The following JADE3 variants were observed in gnomAD, a reference collection of about 807,000 sequenced individuals.
JADE3 encodes the protein jade family PHD finger 3.
A neutral mutation model predicts 50.1 loss-of-function variants in JADE3; 2 were observed. That is an observed-to-expected ratio of 0.04 (90% CI 0.02 to 0.13). The LOEUF (loss-of-function observed/expected upper bound fraction) is 0.13, where lower values mean the gene tolerates loss of function less well. JADE3 is among the 10% of genes least tolerant of loss of function. The probability of loss-of-function intolerance (pLI) is 1.00; values close to 1 mark genes in which losing one functional copy is unlikely to be tolerated. For missense variants in JADE3, 475 were observed against 634.4 expected, an observed-to-expected ratio of 0.75 and a Z score of 2.70; for synonymous variants, 218 against 232.9, an observed-to-expected ratio of 0.94 and a Z score of 0.58.
At chrX:46,993,022 G>T (rs1928051761) in intron 3 of JADE3, among the ~76,000 whole-genome samples, 1 of 111,546 alleles carries the variant, frequency 9.0e-6, no homozygotes, top group Non-Finnish European at 1.9e-5. Context: ...TGTTGTTGTT[G>T]TTTTTAATCC....
At chrX:47,021,383 T>C (rs1348338824) in intron 4 of JADE3, among the ~76,000 whole-genome samples, 2 of 111,841 alleles carry the variant, frequency 1.8e-5, no homozygotes, top group Non-Finnish European at 3.8e-5. Context: ...TTCCAGTTTT[T>C]ACCTACCATA....
At chrX:46,914,313 A>T (rs1248044664) in intron 1 of JADE3, among the ~76,000 whole-genome samples, 1 of 111,799 alleles carries the variant, frequency 8.9e-6, no homozygotes, top group Admixed American at 9.4e-5. Context: ...AGACAATGGG[A>T]GTATGGGTCC....
chrX:46,938,035 C>T (rs781793033), intron 1 of JADE3, among the ~76,000 whole-genome samples: 1 of 111,559 alleles, frequency 9.0e-6, no homozygotes, highest in South Asian at 3.8e-4. Flanking sequence ...CATCACATAT[C>T]TTTTTCCATC....
At chrX:46,925,042 A>T (rs1229064914) in intron 1 of JADE3, among the ~76,000 whole-genome samples, 1 of 112,134 alleles carries the variant, frequency 8.9e-6, no homozygotes, top group Non-Finnish European at 1.9e-5. Flanking sequence ...AGGGCAGTGG[A>T]AACTCCATGG....
At chrX:47,035,835 C>T (rs782044506) in intron 7 of JADE3, among the ~76,000 whole-genome samples, 18 of 111,660 alleles carry the variant, frequency 1.6e-4, no homozygotes, top group Non-Finnish European at 3.4e-4. Flanking sequence ...AAGAATATTT[C>T]CATCTTTTTA....
rs1929072877 is a variant in JADE3, at chrX:47,033,770, T to C, written c.837T>C (p.Cys279=). The C allele has an allele frequency of 8.5e-7, 1 of 1,174,207 alleles. No homozygotes were observed. Among genetic ancestry groups the C allele is most frequent in the Non-Finnish European group, 1.1e-6 (1 of 876,137 alleles). Residue 279 remains cysteine, a synonymous_variant, in exon 7 of 11, where the codon TGT becomes TGC. Coordinates refer to ENST00000614628, the MANE Select transcript of JADE3 (RefSeq NM_014735.5). ...GGACTAAATGGGCTCATGTCAGCTGTGCCCTGTGGATCCCAGAGGTAAGAA... is the reference window on the plus strand; with the variant it reads ...GGACTAAATGGGCTCATGTCAGCTGCGCCCTGTGGATCCCAGAGGTAAGAA... ...KTGTKWAHVS[C]ALWIPEVSIA...
intron 4 of JADE3, among the ~76,000 whole-genome samples, chrX:47,006,459 GTTTTTTTTT>G (rs61687892): frequency 1.3e-5 from 1 of 76,669 alleles, no homozygotes; most frequent in African/African-American, 4.7e-5. Context: ...AATTTTTGTA[GTTTTTTTTT>G]TTTTTTTTTT....
At chrX:47,054,063 T>G in intron 8 of JADE3, 95 bp from the exon 9 acceptor site, 4 of 563,246 alleles carry the variant, frequency 7.1e-6, no homozygotes, top group Non-Finnish European at 1.1e-5. Context: ...CGGTCTTTCT[T>G]TTGCTTCCTA....
chrX:47,006,507 C>T (rs1219463603), intron 4 of JADE3, among the ~76,000 whole-genome samples: 1 of 104,239 alleles, frequency 9.6e-6, no homozygotes, highest in Non-Finnish European at 2.0e-5. Flanking sequence ...GCCATGTTGC[C>T]CAGGCTGGTC....
At chrX:46,947,815 T>C (rs1449484420) in intron 1 of JADE3, among the ~76,000 whole-genome samples, 2 of 111,938 alleles carry the variant, frequency 1.8e-5, no homozygotes, top group African/African-American at 6.5e-5. Flanking sequence ...ACTTCCAACA[T>C]GGAGCCTCCA....
At chrX:46,968,617 C>T (rs1463256892) in intron 1 of JADE3, among the ~76,000 whole-genome samples, 1 of 110,401 alleles carries the variant, frequency 9.1e-6, no homozygotes, top group African/African-American at 3.3e-5. Context: ...CATGCAAACA[C>T]CAATCAAAAG....
chrX:46,940,063 A>T (rs782317279), intron 1 of JADE3, among the ~76,000 whole-genome samples: 2 of 112,470 alleles, frequency 1.8e-5, no homozygotes, highest in East Asian at 5.5e-4. Context: ...AAAAATATTT[A>T]CTGATTAGCC....
intron 4 of JADE3, among the ~76,000 whole-genome samples, chrX:47,001,528 T>C (rs1038542862): frequency 1.6e-4 from 18 of 111,922 alleles, no homozygotes; most frequent in Admixed American, 5.7e-4. Context: ...TAGGATTTGG[T>C]TGGAGTACCT....
At chrX:47,017,062 G>A (rs1928691583) in intron 4 of JADE3, among the ~76,000 whole-genome samples, 1 of 111,749 alleles carries the variant, frequency 8.9e-6, no homozygotes, top group African/African-American at 3.2e-5. Context: ...ATGGATGAGG[G>A]AGAAATAAGA....
intron 1 of JADE3, among the ~76,000 whole-genome samples, chrX:46,945,585 A>G (rs782466340): frequency 3.6e-5 from 4 of 111,362 alleles, no homozygotes; most frequent in African/African-American, 9.8e-5. Flanking sequence ...TGTCTGTGCT[A>G]AGGTTCTTGG....
At chrX:46,949,907 T>G (rs949931323) in intron 1 of JADE3, among the ~76,000 whole-genome samples, 3 of 111,929 alleles carry the variant, frequency 2.7e-5, no homozygotes, top group Non-Finnish European at 3.8e-5. Flanking sequence ...TAGAGGAATA[T>G]TCATATCAGC....
chrX:46,975,693 TTTTC>T (rs202077025), intron 1 of JADE3, among the ~76,000 whole-genome samples: 12,532 of 95,293 alleles, frequency 0.13, 1,092 homozygotes, highest in Middle Eastern at 0.24. Flanking sequence ...TTCAAATTAT[TTTTC>T]TTTCTTTTTT....
chrX:46,972,916 C>T (rs144428956), intron 1 of JADE3, among the ~76,000 whole-genome samples: 81 of 111,790 alleles, frequency 7.2e-4, no homozygotes, highest in African/African-American at 2.5e-3. Context: ...AGTTTTATTC[C>T]GAAGAGAGTT....
intron 9 of JADE3, among the ~76,000 whole-genome samples, 162 bp from the exon 10 acceptor site, chrX:47,055,920 G>A (rs1344612464): frequency 4.5e-5 from 5 of 112,070 alleles, no homozygotes; most frequent in African/African-American, 1.6e-4. Context: ...TGACCATGCT[G>A]TGTGAATTCC....
Sources: gnomAD v4.1 joint callset for allele counts (sites outside exome capture counted in the v4.1 genomes callset) on GRCh38, gnomAD v4.1.1 for gene constraint, MANE v1.5 for transcripts, NCBI Gene and HGNC (gene_info 2026-07-23, HGNC 2026-07-21) for gene names.